FAT3: variants seen among roughly 807,000 people sequenced by gnomAD.
The protein encoded by FAT3 is FAT atypical cadherin 3.
FAT3 carries 95 observed loss-of-function variants against 310.2 expected under a neutral mutation model. The observed-to-expected ratio is 0.31, with a 90% CI of 0.26 to 0.36. FAT3 has a LOEUF of 0.36. FAT3 is among the 10% of genes least tolerant of loss of function. The pLI, the probability that FAT3 is intolerant of heterozygous loss-of-function variation, is 1.00. For missense variants in FAT3, 5,408 were observed against 5,715.6 expected, an observed-to-expected ratio of 0.95 and a Z score of 1.74; for synonymous variants, 2,314 against 2,192.9, an observed-to-expected ratio of 1.06 and a Z score of -1.54.
At chr11:92,718,726 T>G (rs1944764914) in intron 4 of FAT3, among the ~76,000 whole-genome samples, 1 of 152,208 alleles carries the variant, frequency 6.6e-6, no homozygotes, top group Non-Finnish European at 1.5e-5. Context: ...TCTAGATTAG[T>G]GTTTGGTACA....
At chr11:92,841,539 C>T (rs956617146) in intron 18 of FAT3, among the ~76,000 whole-genome samples, 5 of 152,188 alleles carry the variant, frequency 3.3e-5, no homozygotes, top group African/African-American at 1.2e-4. Flanking sequence ...TAATGACTGC[C>T]AGCTCCAAGC....
chr11:92,783,987 C>T (rs561442467), intron 7 of FAT3, among the ~76,000 whole-genome samples: 2 of 152,236 alleles, frequency 1.3e-5, no homozygotes, highest in South Asian at 2.1e-4. Flanking sequence ...TAGCAAAGTA[C>T]ATAATATCTG....
Position 92,844,266 on chromosome 11 carries a change from G to A in FAT3, c.10899G>A (p.Val3633=). 1 of 1,614,006 alleles carries A rather than the reference G, an allele frequency of 6.2e-7. No homozygotes were observed. The change falls in exon 19 of 28, where the codon GTG becomes GTA. Residue 3633 remains valine, a synonymous_variant. Transcript: ENST00000525166. The stretch of plus-strand genomic sequence containing the variant: ...GTCGCTTCCAGGTACCCATTGATGT[G>A]GTCGTGCATGTGGAGCAGTTGGTGC... ...SDGRFQVPID[V]VVHVEQLVHE...
chr11:92,572,615 T>C (rs656314), intron 3 of FAT3, among the ~76,000 whole-genome samples: 112,817 of 152,066 alleles, frequency 0.74, 44,113 homozygotes, highest in Non-Finnish European at 0.88. Context: ...AGGTGAGGTA[T>C]ACAAATTAAC....
chr11:92,356,370 C>G (rs1262930943), intron 2 of FAT3, among the ~76,000 whole-genome samples: 1 of 152,178 alleles, frequency 6.6e-6, no homozygotes, highest in Non-Finnish European at 1.5e-5. Context: ...ACATTAGATA[C>G]TTGTCCACAA....
intron 1 of FAT3, among the ~76,000 whole-genome samples, chr11:92,262,320 T>C (rs1182195645): frequency 6.6e-6 from 1 of 152,148 alleles, no homozygotes; most frequent in Non-Finnish European, 1.5e-5. Flanking sequence ...GTAGTGTCTT[T>C]TTCCAGAAGT....
chr11:92,463,102 A>G (rs773061436), intron 2 of FAT3, among the ~76,000 whole-genome samples: 1 of 152,252 alleles, frequency 6.6e-6, no homozygotes. Flanking sequence ...CTTTGGAAGC[A>G]TGCTAGAGTG....
At chr11:92,256,067 T>G (rs750338973) in intron 1 of FAT3, among the ~76,000 whole-genome samples, 2 of 152,170 alleles carry the variant, frequency 1.3e-5, no homozygotes, top group African/African-American at 2.4e-5. Context: ...TCTATCATTC[T>G]TTTCAAGATA....
rs1358011122 is a variant in FAT3, at chr11:92,697,405, G to A, written c.3629G>A (p.Arg1210Lys). Residue 1210 changes from arginine (R) to lysine (K), a missense_variant, in exon 4 of 28, where the codon AGG (arginine) becomes AAG (lysine). Arg to Lys is a conservative substitution (Grantham distance 26). Transcript: ENST00000525166. ...ACAGGTCTGATTACAACAACTTCAA[G>A]GAAATTGGATCGAGAACAGCAGGCA... The part of the protein sequence containing the change: ...IKTGLITTTS[R>K]KLDREQQAEH... 2 of 1,613,810 alleles carry A rather than the reference G, an allele frequency of 1.2e-6. No individual in the cohort carries two copies. Among genetic ancestry groups the A allele is most frequent in the Non-Finnish European group, 1.7e-6 (2 of 1,179,804 alleles).
chr11:92,419,376 T>C (rs1433534889), intron 2 of FAT3, among the ~76,000 whole-genome samples: 4 of 152,148 alleles, frequency 2.6e-5, no homozygotes, highest in African/African-American at 9.7e-5. Context: ...CTGGGGAACC[T>C]TGTAATAGGT....
At chr11:92,793,593 T>C (rs1178178321) in intron 9 of FAT3, among the ~76,000 whole-genome samples, 1 of 152,220 alleles carries the variant, frequency 6.6e-6, no homozygotes, top group African/African-American at 2.4e-5. Flanking sequence ...GATCATAGTT[T>C]ACTGATGGTT....
chr11:92,488,601 A>G (rs1266290475), intron 2 of FAT3, among the ~76,000 whole-genome samples: 1 of 151,754 alleles, frequency 6.6e-6, no homozygotes, highest in Admixed American at 6.6e-5. Context: ...AGAGAATCCC[A>G]TTATATCCTA....
At position 92,310,891 on chromosome 11, in the gene FAT3, G is replaced by A. The variant is rs1947280511; in HGVS notation, c.-17-41205G>A. 2.0e-5 allele frequency among the ~76,000 whole-genome samples: 3 copies of A among 152,030 alleles called. No homozygotes were observed. In the South Asian group the frequency reaches 6.3e-4, roughly 32 times the overall value. On this transcript the variant is annotated intron_variant, in intron 1 of 27. Transcript: ENST00000525166. ...CAAGCAACTGTCTTGCAAGACCAGA[G>A]ATGTTTTGAGCGTAGGGTACAACCA...
chr11:92,377,540 C>T (rs956283983), intron 2 of FAT3, among the ~76,000 whole-genome samples: 9 of 152,146 alleles, frequency 5.9e-5, no homozygotes, highest in African/African-American at 1.9e-4. Flanking sequence ...GAAGGGTCAG[C>T]TAGTTTTATT....
chr11:92,738,056 T>C (rs572381844), intron 4 of FAT3, among the ~76,000 whole-genome samples: 1 of 152,316 alleles, frequency 6.6e-6, no homozygotes, highest in South Asian at 2.1e-4. Flanking sequence ...CAAAAGGTTG[T>C]GTAAAACCTG....
chr11:92,304,540 A>G (rs1261611963), intron 1 of FAT3, among the ~76,000 whole-genome samples: 2 of 152,100 alleles, frequency 1.3e-5, no homozygotes, highest in Non-Finnish European at 2.9e-5. Flanking sequence ...TGTGATTTGC[A>G]TGACAAATTT....
chr11:92,524,715 T>C lies in FAT3; in HGVS notation c.3374T>C (p.Val1125Ala). Reference sequence around the variant, plus strand: ...ACAGTGTATGCCACAGACAGGGGCGTTGTTCCACTCTACTCCACCATTGAG... The same window carrying C: ...ACAGTGTATGCCACAGACAGGGGCGCTGTTCCACTCTACTCCACCATTGAG... ...WLTVYATDRGVVPLYSTIEVY... is the reference protein window; with the variant it reads ...WLTVYATDRGAVPLYSTIEVY... Residue 1125 changes from valine (V) to alanine (A), a missense_variant, in exon 3 of 28, where the codon GTT (valine) becomes GCT (alanine). Val to Ala is a moderately conservative substitution (Grantham distance 64, BLOSUM62 0). This residue lies in a region of FAT3 where 4,588 missense variants were observed against 4,809.8 expected (regional missense o/e 0.95). Transcript: ENST00000525166. The C allele has an allele frequency of 6.2e-7, 1 of 1,613,830 alleles. No individual in the cohort carries two copies. Among genetic ancestry groups the C allele is most frequent in the Non-Finnish European group, 8.5e-7 (1 of 1,179,834 alleles).
intron 16 of FAT3, 127 bp from the exon 17 acceptor site, chr11:92,837,536 C>A: frequency 8.6e-7 from 1 of 1,163,634 alleles, no homozygotes; most frequent in Non-Finnish European, 1.2e-6. Flanking sequence ...ATCACCCGGT[C>A]TGGAAAATCA....
At position 92,705,317 on chromosome 11, in the gene FAT3, GGTGATGGTGGTGGT is replaced by G. The variant is rs1172708161; in HGVS notation, c.3669+7888_3669+7901del. On this transcript the variant is annotated intron_variant, in intron 4 of 27. Coordinates refer to ENST00000525166, the MANE Select transcript of FAT3 (RefSeq NM_001367949.2). Reference sequence around the variant, plus strand: ...GTGATGGTGGTGGTGTGATGATGGTGGTGATGGTGGTGGTGTGATGGTGGTGGTGATGATGGTAG... The same window carrying G: ...GTGATGGTGGTGGTGTGATGATGGTGGTGATGGTGGTGGTGATGATGGTAG... Among the ~76,000 whole-genome samples the G allele has an allele frequency of 2.2e-4, 32 of 147,748 alleles. 1 individual carries two copies. The East Asian group carries it at 5.7e-3, about 26-fold the overall frequency.
Sources: gnomAD v4.1 joint callset for allele counts (sites outside exome capture counted in the v4.1 genomes callset) on GRCh38, gnomAD v4.1.1 for gene constraint, gnomAD v4.1.1 regional missense constraint, MANE v1.5 for transcripts, NCBI Gene and HGNC (gene_info 2026-07-23, HGNC 2026-07-21) for gene names.